Variants in NADSYN1 observed in about 807,000 individuals in gnomAD.
NADSYN1 encodes glutamine-dependent NAD(+) synthetase.
NADSYN1 carries 80 observed loss-of-function variants against 99.3 expected under a neutral mutation model. The observed-to-expected ratio is 0.81, with a 90% confidence interval of 0.67 to 0.97. The LOEUF (loss-of-function observed/expected upper bound fraction) is 0.97. Ranked by LOEUF, NADSYN1 falls within the 50% of genes least tolerant of loss-of-function variation. NADSYN1 has a pLI of 0.00. For missense variants in NADSYN1, 859 were observed against 948.5 expected (o/e 0.91, Z 1.24); for synonymous variants, 385 against 372.1 (o/e 1.03, Z -0.40).
chr11:71,490,698 C>A (rs970219822), intron 16 of NADSYN1, 147 bp from the exon 17 acceptor site: 1 of 1,176,762 alleles, frequency 8.5e-7, no homozygotes, highest in Non-Finnish European at 1.2e-6. Flanking sequence ...GCCACCTTTG[C>A]GGGTTGCTCT....
intron 5 of NADSYN1, among the ~76,000 whole-genome samples, chr11:71,469,619 G>A (rs973362069): frequency 1.3e-5 from 2 of 152,184 alleles, no homozygotes; most frequent in African/African-American, 2.4e-5. Flanking sequence ...TGTCCTTAAG[G>A]CACAGATCAC....
chr11:71,483,128 G>A, intron 14 of NADSYN1, 111 bp downstream of exon 14: 1 of 1,327,222 alleles, frequency 7.5e-7, no homozygotes, highest in Non-Finnish European at 1.1e-6. Flanking sequence ...TCCGCATCGT[G>A]TCATCCACTA....
At chr11:71,457,769 T>C (rs2120392756) in intron 2 of NADSYN1, among the ~76,000 whole-genome samples, 1 of 152,312 alleles carries the variant, frequency 6.6e-6, no homozygotes, top group East Asian at 1.9e-4. Flanking sequence ...CGTCCTCATG[T>C]TGCCTCCTGT....
At chr11:71,478,638 G>A in intron 10 of NADSYN1, 169 bp downstream of exon 10, 1 of 622,774 alleles carries the variant, frequency 1.6e-6, no homozygotes, top group South Asian at 1.8e-5. Flanking sequence ...GACAGAACCT[G>A]CTTCCATCTG....
At chr11:71,485,307 G>A (rs1949735173) in intron 15 of NADSYN1, 3 of 354,630 alleles carry the variant, frequency 8.5e-6, no homozygotes, top group South Asian at 8.8e-5. Context: ...CGGGCTCTGG[G>A]TGCTCCCATC....
At chr11:71,466,782 TA>T (rs1310353421) in intron 5 of NADSYN1, 1 of 152,206 alleles carries the variant, frequency 6.6e-6, no homozygotes, top group Non-Finnish European at 1.5e-5. Flanking sequence ...TCGGATACAA[TA>T]TGTATGCATT....
chr11:71,476,907 T>C (rs1949671060), intron 9 of NADSYN1: 2 of 987,118 alleles, frequency 2.0e-6, no homozygotes, highest in South Asian at 9.3e-5. Context: ...CGGGAGCCGT[T>C]GCCTTACACG....
chr11:71,466,113 A>C (rs1325346144), intron 5 of NADSYN1, among the ~76,000 whole-genome samples: 1 of 152,132 alleles, frequency 6.6e-6, no homozygotes, highest in African/African-American at 2.4e-5. Flanking sequence ...GCTTATATCT[A>C]TCTCTAGCTA....
intron 2 of NADSYN1, 194 bp downstream of exon 2, chr11:71,455,364 C>A (rs547101583): frequency 7.1e-4 from 361 of 511,048 alleles, no homozygotes; most frequent in Non-Finnish European, 7.6e-4. Flanking sequence ...AGTCTAGATT[C>A]CCATGTTGAG....
At chr11:71,464,833 A>C (rs1006951788) in intron 5 of NADSYN1, among the ~76,000 whole-genome samples, 1 of 137,572 alleles carries the variant, frequency 7.3e-6, no homozygotes, top group Non-Finnish European at 1.5e-5. Context: ...GCGCCACTGC[A>C]CTCCAGCCTG....
chr11:71,476,289 C>T (rs1295798035), intron 9 of NADSYN1: 9 of 356,566 alleles, frequency 2.5e-5, no homozygotes, highest in South Asian at 1.1e-4. Flanking sequence ...CCGAGGCAGG[C>T]GGTAGCACCG....
chr11:71,458,493 C>T lies in NADSYN1; in HGVS notation c.212C>T (p.Ala71Val), dbSNP rs370485740. Residue 71 changes from alanine (A) to valine (V), a missense_variant, in exon 3 of 21, where the codon GCG becomes GTG. Ala to Val is a moderately conservative substitution (Grantham distance 64). Coordinates refer to ENST00000319023, the MANE Select transcript of NADSYN1 (RefSeq NM_018161.5). ...DTLLHSFQVLAALVESPVTQD... is the reference protein window; with the variant it reads ...DTLLHSFQVLVALVESPVTQD... ...CTCTTGCACTCGTTTCAAGTCCTAGCGGCCCTTGTGGAGTCTCCCGTCACT... is the reference window on the plus strand; with the variant it reads ...CTCTTGCACTCGTTTCAAGTCCTAGTGGCCCTTGTGGAGTCTCCCGTCACT... The T allele has an allele frequency of 1.1e-5, 18 of 1,613,864 alleles. No individual in the cohort carries two copies. The highest frequency in any genetic ancestry group is 6.6e-5 in the South Asian group (6 of 91,076).
At chr11:71,498,302 G>A in intron 19 of NADSYN1, 50 bp from the exon 20 acceptor site, 2 of 1,601,940 alleles carry the variant, frequency 1.2e-6, no homozygotes, top group Non-Finnish European at 1.7e-6. Flanking sequence ...TCCGGCCTGG[G>A]GTCTCTCCAG....
At chr11:71,468,915 G>T (rs757764250) in intron 5 of NADSYN1, among the ~76,000 whole-genome samples, 6 of 152,218 alleles carry the variant, frequency 3.9e-5, no homozygotes, top group Non-Finnish European at 7.3e-5. Flanking sequence ...ACTATAACCA[G>T]AGATGTGTAA....
chr11:71,461,759 A>G (rs768476964), intron 3 of NADSYN1, among the ~76,000 whole-genome samples: 2 of 152,224 alleles, frequency 1.3e-5, no homozygotes, highest in Non-Finnish European at 2.9e-5. Context: ...AGATCTCATG[A>G]GAACCCACTC....
chr11:71,489,556 G>A (rs1228082245), intron 16 of NADSYN1, among the ~76,000 whole-genome samples: 1 of 152,244 alleles, frequency 6.6e-6, no homozygotes, highest in South Asian at 2.1e-4. Flanking sequence ...GAGAAAAAGT[G>A]CTAAGATGGA....
At position 71,453,226 on chromosome 11, in the gene NADSYN1, G is replaced by C. The variant is rs528203219; in HGVS notation, c.-71G>C. ...GCAACCCGGAAGGTCCGGCGTCCCA[G>C]CCGCCTACCTCGCTGGGACCCTGGT... On this transcript the variant is annotated 5_prime_UTR_variant, in exon 1 of 21. Coordinates refer to ENST00000319023, the MANE Select transcript of NADSYN1 (RefSeq NM_018161.5). 3 of 1,412,738 alleles carry C rather than the reference G, an allele frequency of 2.1e-6. No individual in the cohort carries two copies. The East Asian group carries it at 7.2e-5, about 34-fold the overall frequency. The allele number at this position is 1,412,738 out of a possible 1,614,324, so 87.5% of individuals were successfully genotyped here.
chr11:71,482,464 C>T (rs879506853), intron 13 of NADSYN1, among the ~76,000 whole-genome samples: 1 of 150,878 alleles, frequency 6.6e-6, no homozygotes. Context: ...GGGGTGCAGC[C>T]GTACGGGCAC....
intron 2 of NADSYN1, 114 bp downstream of exon 2, chr11:71,455,284 C>A (rs1020135391): frequency 6.7e-6 from 6 of 897,248 alleles, no homozygotes; most frequent in Non-Finnish European, 1.1e-5. Flanking sequence ...GTGGACACGC[C>A]ACACCCACTG....
Sources: allele counts gnomAD v4.1 joint callset (sites outside exome capture counted in the v4.1 genomes callset), GRCh38; gene constraint gnomAD v4.1.1; transcripts MANE v1.5; gene names NCBI Gene and HGNC (gene_info 2026-07-23, HGNC 2026-07-21).